IGFBP7: variants seen among roughly 807,000 people sequenced by gnomAD.
IGFBP7 encodes the protein insulin-like growth factor-binding protein 7.
A neutral mutation model predicts 29.4 loss-of-function variants in IGFBP7; 31 were observed. The observed-to-expected ratio is 1.05, with a 90% CI of 0.79 to 1.42. IGFBP7 has a LOEUF of 1.42. Ranked by LOEUF, IGFBP7 falls within the 40% of genes most tolerant of loss-of-function variation. IGFBP7 has a pLI of 0.00. For synonymous variants in IGFBP7, 172 were observed against 174.9 expected (o/e 0.98, Z 0.13); for missense variants, 393 against 395.5 (o/e 0.99, Z 0.05).
chr4:57,106,901 G>A (rs1726048279), intron 1 of IGFBP7, among the ~76,000 whole-genome samples: 1 of 151,952 alleles, frequency 6.6e-6, no homozygotes, highest in African/African-American at 2.4e-5. Flanking sequence ...ATGACTTCAG[G>A]GACCTCAATA....
chr4:57,075,791 T>C (rs566856322), intron 1 of IGFBP7, among the ~76,000 whole-genome samples: 34 of 152,216 alleles, frequency 2.2e-4, no homozygotes, highest in African/African-American at 8.2e-4. Flanking sequence ...GGCAGAGGAA[T>C]GTGGTGGGTA....
intron 4 of IGFBP7, 59 bp downstream of exon 4, chr4:57,032,367 G>T: frequency 1.3e-6 from 2 of 1,597,676 alleles, no homozygotes; most frequent in South Asian, 2.3e-5. Context: ...ACTTAGTTCT[G>T]TTCTTTTTAA....
chr4:57,109,622 A>T (rs985335456), intron 1 of IGFBP7: 5 of 545,040 alleles, frequency 9.2e-6, no homozygotes, highest in Admixed American at 7.3e-5. Context: ...TTCTACATAT[A>T]CACCCGGCCC....
Position 57,041,625 on chromosome 4 carries a change from TC to T in IGFBP7, c.476-693del, listed in dbSNP as rs200371936. Among the ~76,000 whole-genome samples, 922 of 152,276 alleles carry T rather than the reference TC, an allele frequency of 6.1e-3. 12 individuals are homozygous for T. The highest frequency in any genetic ancestry group is 0.02 in the African/African-American group (849 of 41,556). ...ATCATAGCTCACTGCAGCCTCAAAC[TC>T]CTGGTCTCCAGCGATCCTCCCACCC... On this transcript the variant is annotated intron_variant, in intron 1 of 4. Coordinates refer to ENST00000295666, the MANE Select transcript of IGFBP7 (RefSeq NM_001553.3).
At chr4:57,094,865 C>G (rs1725725344) in intron 1 of IGFBP7, among the ~76,000 whole-genome samples, 2 of 152,236 alleles carry the variant, frequency 1.3e-5, no homozygotes, top group Admixed American at 1.3e-4. Context: ...TCCCCCAAAT[C>G]AAATCATTTG....
intron 2 of IGFBP7, among the ~76,000 whole-genome samples, chr4:57,036,572 C>T (rs902026719): frequency 1.2e-4 from 18 of 152,280 alleles, no homozygotes; most frequent in Admixed American, 9.2e-4. Context: ...TTTCAGTTCA[C>T]GTTCCCATTT....
Position 57,084,788 on chromosome 4 carries a change from GT to G in IGFBP7, c.475+25088del, listed in dbSNP as rs57704332. On this transcript the variant is annotated intron_variant, in intron 1 of 4. Transcript: ENST00000295666. ...CTTTTTACTCAGATGTTTAAAAAAG[GT>G]TTTTTTTTTTTTTTTTTTTGGGACA... Among the ~76,000 whole-genome samples, 402 of 113,080 alleles carry G rather than the reference GT, an allele frequency of 3.6e-3. 22 individuals are homozygous for G. The highest frequency in any genetic ancestry group is 0.011 in the African/African-American group (311 of 29,136). The allele number at this position is 113,080 out of a possible 152,430, so 74.2% of individuals were successfully genotyped here.
chr4:57,050,857 C>G (rs1724488021), intron 1 of IGFBP7, among the ~76,000 whole-genome samples: 1 of 152,032 alleles, frequency 6.6e-6, no homozygotes, highest in Non-Finnish European at 1.5e-5. Context: ...TGTTCATGGC[C>G]TCTTGCTGAG....
Position 57,031,170 on chromosome 4 carries a change from TC to T in IGFBP7, c.*146del, listed in dbSNP as rs1723909685. On this transcript the variant is annotated 3_prime_UTR_variant, in exon 5 of 5. Coordinates refer to ENST00000295666, the MANE Select transcript of IGFBP7 (RefSeq NM_001553.3). The stretch of plus-strand genomic sequence containing the variant: ...TTTTGTAGATAGTCTTGATGTGTGA[TC>T]TTTATTTTGTATTTCTCTGTGTAAA... 1 of 781,850 alleles carries T rather than the reference TC, an allele frequency of 1.3e-6. No homozygotes were observed. The highest frequency in any genetic ancestry group is 1.7e-5 in the African/African-American group (1 of 57,158). The allele number at this position is 781,850 out of a possible 1,614,324, so 48.4% of individuals were successfully genotyped here. A position where few individuals can be genotyped will look rare whatever the true frequency, so the allele number is the denominator to read the frequency against.
intron 1 of IGFBP7, among the ~76,000 whole-genome samples, chr4:57,098,177 G>A (rs941736804): frequency 3.3e-5 from 5 of 152,126 alleles, no homozygotes; most frequent in Non-Finnish European, 7.3e-5. Context: ...TTGGGAGAAC[G>A]TCAGGTGGCT....
intron 1 of IGFBP7, among the ~76,000 whole-genome samples, chr4:57,095,139 G>GTGTT (rs1258008374): frequency 6.6e-6 from 1 of 152,206 alleles, no homozygotes; most frequent in Non-Finnish European, 1.5e-5. Context: ...GAAAATACGG[G>GTGTT]TGTTAGACAA....
chr4:57,043,434 A>T (rs1307365977), intron 1 of IGFBP7, among the ~76,000 whole-genome samples: 1 of 152,218 alleles, frequency 6.6e-6, no homozygotes, highest in Admixed American at 6.5e-5. Context: ...TTAGGACTGG[A>T]AAGTTTTCTG....
At chr4:57,048,375 AG>A (rs1724418240) in intron 1 of IGFBP7, among the ~76,000 whole-genome samples, 1 of 152,214 alleles carries the variant, frequency 6.6e-6, no homozygotes, top group Non-Finnish European at 1.5e-5. Flanking sequence ...ATTAAGTTCT[AG>A]ACAAAGGACT....
At chr4:57,104,220 T>C (rs1725968485) in intron 1 of IGFBP7, among the ~76,000 whole-genome samples, 1 of 152,194 alleles carries the variant, frequency 6.6e-6, no homozygotes, top group African/African-American at 2.4e-5. Flanking sequence ...TTCTATTGTA[T>C]ATATACAGTG....
chr4:57,063,382 A>C (rs1724843177), intron 1 of IGFBP7, among the ~76,000 whole-genome samples: 1 of 152,228 alleles, frequency 6.6e-6, no homozygotes, highest in African/African-American at 2.4e-5. Flanking sequence ...GGACCAGTCA[A>C]TTGATTCTCT....
At chr4:57,080,571 A>C (rs1725342831) in intron 1 of IGFBP7, among the ~76,000 whole-genome samples, 1 of 152,206 alleles carries the variant, frequency 6.6e-6, no homozygotes, top group African/African-American at 2.4e-5. Context: ...CTTTTCACCC[A>C]GGGTGGAGTG....
rs552253071 is a variant in IGFBP7, at chr4:57,070,453, TA to T, written c.476-29521del. Reference sequence around the variant, plus strand: ...ATGCATTTCCATTATGGCTAACAAATAAAAAAAGTACATGTCCTGCTGAAAA... The same window carrying T: ...ATGCATTTCCATTATGGCTAACAAATAAAAAAGTACATGTCCTGCTGAAAA... On this transcript the variant is annotated intron_variant, in intron 1 of 4. Transcript: ENST00000295666. Among the ~76,000 whole-genome samples the T allele has an allele frequency of 2.9e-3, 441 of 152,188 alleles. 2 individuals are homozygous for T. The highest frequency in any genetic ancestry group is 0.01 in the Middle Eastern group (3 of 294).
At chr4:57,078,468 C>T (rs1209497259) in intron 1 of IGFBP7, among the ~76,000 whole-genome samples, 1 of 151,614 alleles carries the variant, frequency 6.6e-6, no homozygotes, top group Non-Finnish European at 1.5e-5. Context: ...CGGTAAAACT[C>T]GATTTCAAAC....
intron 1 of IGFBP7, among the ~76,000 whole-genome samples, chr4:57,092,960 G>C: frequency 6.6e-6 from 1 of 151,772 alleles, no homozygotes; most frequent in East Asian, 1.9e-4. Flanking sequence ...TGAAAAACAA[G>C]ATATAAATAC....
Sources: gnomAD v4.1 joint callset for allele counts (sites outside exome capture counted in the v4.1 genomes callset) on GRCh38, gnomAD v4.1.1 for gene constraint, MANE v1.5 for transcripts, NCBI Gene and HGNC (gene_info 2026-07-23, HGNC 2026-07-21) for gene names.